Variants in BMP5 observed in about 807,000 individuals in gnomAD.
BMP5 encodes the protein bone morphogenetic protein 5.
A neutral mutation model predicts 46.6 loss-of-function variants in BMP5; 23 were observed. The observed-to-expected ratio is 0.49, with a 90% CI of 0.35 to 0.70. The LOEUF (loss-of-function observed/expected upper bound fraction) is 0.70, where lower values mean the gene tolerates loss of function less well. Among genes scored for constraint, BMP5 ranks in the 30% least tolerant of loss-of-function variants. The pLI is 0.00. For missense variants in BMP5, 545 were observed against 565.6 expected (o/e 0.96, Z 0.37); for synonymous variants, 204 against 191.9 (o/e 1.06, Z -0.52).
intron 1 of BMP5, among the ~76,000 whole-genome samples, chr6:55,856,324 A>G (rs1457394981): frequency 6.6e-6 from 1 of 152,206 alleles, no homozygotes; most frequent in Non-Finnish European, 1.5e-5. Context: ...TTGTGAATAC[A>G]ATCACTATAA....
At chr6:55,854,492 G>A (rs1562072366) in intron 1 of BMP5, among the ~76,000 whole-genome samples, 2 of 151,580 alleles carry the variant, frequency 1.3e-5, no homozygotes, top group Non-Finnish European at 2.9e-5. Flanking sequence ...ATATGTATAT[G>A]TGTGTATATA....
At chr6:55,798,569 TA>T (rs1203853957) in intron 2 of BMP5, among the ~76,000 whole-genome samples, 2 of 152,190 alleles carry the variant, frequency 1.3e-5, no homozygotes, top group African/African-American at 2.4e-5. Context: ...CTATGGTTAA[TA>T]AAGTCATCAT....
rs138498753 is a variant in BMP5, at chr6:55,873,949, T to C, written c.490+427A>G. On this transcript the variant is annotated intron_variant, in intron 1 of 6. Coordinates refer to ENST00000370830, the MANE Select transcript of BMP5 (RefSeq NM_021073.4). ...CTCCCCTAGATGAGAGATTTTTAAG[T>C]AGTATGTGAATATATACTTACATGT... Among the ~76,000 whole-genome samples, 328 of 152,088 alleles carry C rather than the reference T, an allele frequency of 2.2e-3. 2 individuals carry two copies. The highest frequency in any genetic ancestry group is 7.2e-3 in the African/African-American group (300 of 41,546).
At chr6:55,763,879 T>A (rs1265278437) in intron 4 of BMP5, among the ~76,000 whole-genome samples, 1 of 152,220 alleles carries the variant, frequency 6.6e-6, no homozygotes. Flanking sequence ...TGTATAAATT[T>A]AATCTTTAGT....
At chr6:55,761,033 C>A (rs1173361395) in intron 4 of BMP5, among the ~76,000 whole-genome samples, 2 of 151,930 alleles carry the variant, frequency 1.3e-5, no homozygotes, top group Non-Finnish European at 2.9e-5. Context: ...TTCTAATCAT[C>A]CCCCAAAATC....
intron 2 of BMP5, among the ~76,000 whole-genome samples, chr6:55,799,295 C>A (rs1775788183): frequency 6.6e-6 from 1 of 152,050 alleles, no homozygotes; most frequent in Non-Finnish European, 1.5e-5. Flanking sequence ...TTCATTTTGA[C>A]CTATGAGTTT....
chr6:55,762,888 A>T (rs1024304794), intron 4 of BMP5, among the ~76,000 whole-genome samples: 1 of 152,132 alleles, frequency 6.6e-6, no homozygotes, highest in Admixed American at 6.5e-5. Flanking sequence ...CTGCTGTAGT[A>T]TAAAAGCAAC....
intron 1 of BMP5, among the ~76,000 whole-genome samples, chr6:55,872,533 A>T (rs188466265): frequency 1.3e-5 from 2 of 151,804 alleles, no homozygotes; most frequent in African/African-American, 2.4e-5. Flanking sequence ...AATAATAAAA[A>T]AGTTATAGGA....
chr6:55,768,997 T>A (rs978871562), intron 4 of BMP5, among the ~76,000 whole-genome samples: 3 of 151,982 alleles, frequency 2.0e-5, no homozygotes, highest in African/African-American at 7.2e-5. Flanking sequence ...AATAATCTAT[T>A]GATTAAAAAA....
chr6:55,868,494 T>G (rs935520171), intron 1 of BMP5, among the ~76,000 whole-genome samples: 6 of 152,206 alleles, frequency 3.9e-5, no homozygotes, highest in African/African-American at 1.4e-4. Context: ...TCTTTTTGAT[T>G]TATGGGGTTT....
At chr6:55,767,517 T>C (rs956225653) in intron 4 of BMP5, among the ~76,000 whole-genome samples, 4 of 152,016 alleles carry the variant, frequency 2.6e-5, no homozygotes, top group African/African-American at 9.7e-5. Context: ...TGCAAGATTA[T>C]ACAACTAGTA....
intron 1 of BMP5, among the ~76,000 whole-genome samples, chr6:55,839,328 ATTAAT>A: frequency 6.6e-6 from 1 of 151,114 alleles, no homozygotes; most frequent in African/African-American, 2.4e-5. Flanking sequence ...ATCATTTATT[ATTAAT>A]TTATTTCAAG....
intron 3 of BMP5, among the ~76,000 whole-genome samples, chr6:55,790,749 T>C (rs1775556508): frequency 6.6e-6 from 1 of 152,196 alleles, no homozygotes; most frequent in Admixed American, 6.5e-5. Flanking sequence ...TTCCTCTTCA[T>C]CTGTATTTCT....
At chr6:55,802,887 A>G (rs1194323530) in intron 2 of BMP5, among the ~76,000 whole-genome samples, 1 of 151,564 alleles carries the variant, frequency 6.6e-6, no homozygotes, top group Non-Finnish European at 1.5e-5. Flanking sequence ...TTCAGTATTG[A>G]AATTACAATA....
rs776771102 is a variant in BMP5, at chr6:55,874,578, C to T, written c.288G>A (p.Glu96=). 1.9e-6 allele frequency: 3 copies of T among 1,613,400 alleles called. No individual in the cohort carries two copies. Among genetic ancestry groups the T allele is most frequent in the East Asian group, 4.5e-5 (2 of 44,858 alleles). Residue 96 remains glutamate (E), a synonymous_variant, in exon 1 of 7, where the codon GAG becomes GAA. Coordinates refer to ENST00000370830, the MANE Select transcript of BMP5 (RefSeq NM_021073.4). The part of the protein sequence containing the change: ...NAMTNEENPE[E]SEYSVRASLA... ...AGGATGCCCTTACTGAGTACTCCGACTCTTCAGGATTTTCTTCATTGGTCA... is the reference window on the plus strand; with the variant it reads ...AGGATGCCCTTACTGAGTACTCCGATTCTTCAGGATTTTCTTCATTGGTCA...
At chr6:55,861,069 A>C (rs1429469029) in intron 1 of BMP5, among the ~76,000 whole-genome samples, 1 of 152,184 alleles carries the variant, frequency 6.6e-6, no homozygotes, top group Non-Finnish European at 1.5e-5. Context: ...GGATGTTATT[A>C]AATATTATCT....
chr6:55,865,552 C>T, intron 1 of BMP5: 1 of 310,570 alleles, frequency 3.2e-6, no homozygotes, highest in African/African-American at 2.3e-5. Context: ...GAACAGAGTC[C>T]ATCAGCTGTC....
chr6:55,769,167 G>A (rs1774987266), intron 4 of BMP5, among the ~76,000 whole-genome samples: 1 of 151,888 alleles, frequency 6.6e-6, no homozygotes, highest in Non-Finnish European at 1.5e-5. Context: ...TTGTCACATT[G>A]ATTGACTCTT....
chr6:55,759,249 G>T, intron 5 of BMP5, 134 bp from the exon 6 acceptor site: 3 of 598,174 alleles, frequency 5.0e-6, no homozygotes, highest in Non-Finnish European at 8.5e-6. Context: ...GAAATATATT[G>T]TATCTGAATA....
Sources: gnomAD v4.1 joint callset for allele counts (sites outside exome capture counted in the v4.1 genomes callset) on GRCh38, gnomAD v4.1.1 for gene constraint, MANE v1.5 for transcripts, NCBI Gene and HGNC (gene_info 2026-07-23, HGNC 2026-07-21) for gene names.